Variants in NBEA observed in about 807,000 individuals in gnomAD.
NBEA encodes lysosomal-trafficking regulator 2.
Under a neutral mutation model 343.4 loss-of-function variants are expected in NBEA, and 44 were observed. That is an observed-to-expected ratio of 0.13 (90% CI 0.10 to 0.16). The LOEUF (loss-of-function observed/expected upper bound fraction) is 0.16, where lower values mean the gene tolerates loss of function less well. Among genes scored for constraint, NBEA ranks in the 10% least tolerant of loss-of-function variants. The probability of loss-of-function intolerance (pLI) is 1.00; values close to 1 mark genes in which losing one functional copy is unlikely to be tolerated. For synonymous variants in NBEA, 1,175 were observed against 1,238.7 expected, an observed-to-expected ratio of 0.95 and a Z score of 1.08; for missense variants, 2,555 against 3,631.3, an observed-to-expected ratio of 0.70 and a Z score of 7.62.
intron 47 of NBEA, among the ~76,000 whole-genome samples, chr13:35,599,212 G>C (rs1752513): frequency 0.87 from 132,366 of 152,142 alleles, 58,496 homozygotes; most frequent in East Asian, 0.97. Context: ...CTGCCTCATC[G>C]CAAGCCAGAA....
At chr13:35,670,678 G>C (rs576955231) in intron 58 of NBEA, among the ~76,000 whole-genome samples, 4 of 152,354 alleles carry the variant, frequency 2.6e-5, no homozygotes, top group Admixed American at 2.6e-4. Context: ...CTCTGCAGCA[G>C]GGCTGGCTGT....
chr13:35,380,239 G>A (rs1594417390), intron 38 of NBEA, among the ~76,000 whole-genome samples: 1 of 152,202 alleles, frequency 6.6e-6, no homozygotes, highest in East Asian at 1.9e-4. Flanking sequence ...GAGGTCAGGA[G>A]CTCAAGACCA....
intron 41 of NBEA, among the ~76,000 whole-genome samples, chr13:35,535,435 GAC>G (rs1038225936): frequency 3.3e-5 from 5 of 152,190 alleles, no homozygotes; most frequent in Non-Finnish European, 5.9e-5. Context: ...GGAGCAATGT[GAC>G]ACACAGAACC....
intron 38 of NBEA, among the ~76,000 whole-genome samples, chr13:35,387,983 C>T (rs1159343466): frequency 6.6e-6 from 1 of 152,060 alleles, no homozygotes; most frequent in African/African-American, 2.4e-5. Context: ...AAATCTTTCC[C>T]CCCAGAGTGT....
chr13:35,322,032 C>T (rs2038186858), intron 36 of NBEA, among the ~76,000 whole-genome samples: 1 of 152,146 alleles, frequency 6.6e-6, no homozygotes, highest in Admixed American at 6.5e-5. Flanking sequence ...GCTTGCTGAG[C>T]TCTGTTGGGG....
At chr13:35,550,251 A>C (rs573806806) in intron 41 of NBEA, among the ~76,000 whole-genome samples, 2 of 152,346 alleles carry the variant, frequency 1.3e-5, no homozygotes, top group East Asian at 3.9e-4. Context: ...TTTAAGTCAC[A>C]GAGTCTCCTT....
At chr13:35,616,374 TTTG>T (rs2153057597) in intron 48 of NBEA, among the ~76,000 whole-genome samples, 1 of 152,358 alleles carries the variant, frequency 6.6e-6, no homozygotes, top group Admixed American at 6.5e-5. Context: ...GAATATCCTG[TTTG>T]TTATTTGCAA....
At chr13:35,263,100 G>A (rs1391527594) in intron 34 of NBEA, among the ~76,000 whole-genome samples, 1 of 152,144 alleles carries the variant, frequency 6.6e-6, no homozygotes, top group Non-Finnish European at 1.5e-5. Flanking sequence ...AATCAAAACA[G>A]TGAAGTACTG....
intron 34 of NBEA, among the ~76,000 whole-genome samples, chr13:35,284,370 T>G (rs565238917): frequency 2.0e-4 from 31 of 152,320 alleles, no homozygotes; most frequent in African/African-American, 7.2e-4. Flanking sequence ...AGGGTTTTTT[T>G]TGTTAAAATT....
intron 40 of NBEA, among the ~76,000 whole-genome samples, chr13:35,468,069 C>G (rs2075465170): frequency 6.7e-6 from 1 of 150,332 alleles, no homozygotes; most frequent in Admixed American, 6.7e-5. Flanking sequence ...GCCTTTTAAT[C>G]ACTAGAATGC....
chr13:35,149,602 G>A (rs146535640), intron 18 of NBEA, among the ~76,000 whole-genome samples: 4 of 152,170 alleles, frequency 2.6e-5, no homozygotes, highest in Non-Finnish European at 5.9e-5. Flanking sequence ...CTGAAGGCTA[G>A]TGCCTAATAT....
chr13:35,300,249 G>A (rs1256545014), intron 35 of NBEA, among the ~76,000 whole-genome samples: 1 of 152,088 alleles, frequency 6.6e-6, no homozygotes, highest in South Asian at 2.1e-4. Flanking sequence ...GCTTGAACCC[G>A]GGATGTGGAG....
At chr13:35,435,342 T>C (rs769776101) in intron 39 of NBEA, among the ~76,000 whole-genome samples, 4 of 152,084 alleles carry the variant, frequency 2.6e-5, no homozygotes, top group African/African-American at 4.8e-5. Flanking sequence ...ATGATTGCAG[T>C]TGGTAAAATT....
At chr13:35,584,284 G>C (rs1177300893) in intron 46 of NBEA, among the ~76,000 whole-genome samples, 2 of 149,550 alleles carry the variant, frequency 1.3e-5, no homozygotes, top group Non-Finnish European at 3.0e-5. Flanking sequence ...CAGTTGTCCA[G>C]TTATAAAGGA....
At chr13:35,422,196 G>A (rs907446534) in intron 38 of NBEA, among the ~76,000 whole-genome samples, 1 of 148,626 alleles carries the variant, frequency 6.7e-6, no homozygotes, top group Non-Finnish European at 1.5e-5. Flanking sequence ...TGTGCACAAC[G>A]TGCAGGTTTG....
At chr13:34,993,029 CA>C (rs2060817424) in intron 1 of NBEA, among the ~76,000 whole-genome samples, 1 of 152,058 alleles carries the variant, frequency 6.6e-6, no homozygotes, top group Non-Finnish European at 1.5e-5. Context: ...GCATGATCTC[CA>C]ATGAGTCTCA....
chr13:35,645,239 G>A (rs868362961), intron 49 of NBEA, among the ~76,000 whole-genome samples: 3 of 152,128 alleles, frequency 2.0e-5, no homozygotes, highest in Admixed American at 2.0e-4. Context: ...ACTTTTACGT[G>A]CAACCAAATT....
intron 17 of NBEA, among the ~76,000 whole-genome samples, chr13:35,129,625 G>A (rs1167149570): frequency 6.6e-6 from 1 of 151,798 alleles, no homozygotes; most frequent in Non-Finnish European, 1.5e-5. Context: ...TAAGAGAGGG[G>A]GAAAAAAGGA....
At chr13:35,224,793 C>T (rs1349749406) in intron 33 of NBEA, among the ~76,000 whole-genome samples, 1 of 151,930 alleles carries the variant, frequency 6.6e-6, no homozygotes, top group Non-Finnish European at 1.5e-5. Flanking sequence ...TTTGTTTCTT[C>T]ATGTGTAAGG....
Sources: allele counts gnomAD v4.1 joint callset (sites outside exome capture counted in the v4.1 genomes callset), GRCh38; gene constraint gnomAD v4.1.1; transcripts MANE v1.5; gene names NCBI Gene and HGNC (gene_info 2026-07-23, HGNC 2026-07-21).